The following ANKRD13C variants were observed in gnomAD, a reference collection of about 807,000 sequenced individuals.
ANKRD13C encodes ankyrin repeat domain 13C.
In ANKRD13C, 16 loss-of-function variants were observed where a neutral mutation model predicts 65.5. The ratio of observed to expected loss-of-function variants is 0.24; its 90% CI spans 0.17 to 0.37. The LOEUF (loss-of-function observed/expected upper bound fraction) is 0.37, where lower values mean the gene tolerates loss of function less well. ANKRD13C is among the 10% of genes least tolerant of loss of function. The pLI, the probability that ANKRD13C is intolerant of heterozygous loss-of-function variation, is 1.00. For synonymous variants in ANKRD13C, 235 were observed against 238.7 expected (o/e 0.98, Z 0.14); for missense variants, 503 against 655.9 (o/e 0.77, Z 2.55).
At chr1:70,280,042 T>C (rs1315667564) in intron 9 of ANKRD13C, among the ~76,000 whole-genome samples, 1 of 152,166 alleles carries the variant, frequency 6.6e-6, no homozygotes, top group Non-Finnish European at 1.5e-5. Context: ...CCATAAATTT[T>C]GTTGGTTAGA....
intron 8 of ANKRD13C, chr1:70,293,501 T>C: frequency 1.0e-6 from 1 of 964,446 alleles, no homozygotes; most frequent in Non-Finnish European, 1.2e-6. Context: ...ACTCCCTCCT[T>C]ACCTGTCAAA....
intron 1 of ANKRD13C, among the ~76,000 whole-genome samples, chr1:70,346,380 T>A (rs548338976): frequency 1.3e-5 from 2 of 152,312 alleles, no homozygotes; most frequent in African/African-American, 4.8e-5. Context: ...CCCAGTTTGC[T>A]ACTTTGACTT....
At chr1:70,272,805 A>ATC in intron 11 of ANKRD13C, among the ~76,000 whole-genome samples, 1 of 151,876 alleles carries the variant, frequency 6.6e-6, no homozygotes, top group South Asian at 2.1e-4. Context: ...CCTGGCCAAC[A>ATC]TGGTGAACCC....
At chr1:70,331,531 A>T (rs773494564) in intron 2 of ANKRD13C, among the ~76,000 whole-genome samples, 2 of 152,116 alleles carry the variant, frequency 1.3e-5, no homozygotes, top group Non-Finnish European at 2.9e-5. Flanking sequence ...GAACAATGAC[A>T]TAATATAAAA....
intron 1 of ANKRD13C, among the ~76,000 whole-genome samples, chr1:70,346,022 G>A (rs1311419278): frequency 6.6e-6 from 1 of 151,542 alleles, no homozygotes; most frequent in African/African-American, 2.4e-5. Context: ...AATAGAGACA[G>A]GGTCTCACTA....
intron 2 of ANKRD13C, among the ~76,000 whole-genome samples, chr1:70,333,324 G>GAA (rs144392073): frequency 2.0e-5 from 3 of 147,198 alleles, no homozygotes; most frequent in East Asian, 2.0e-4. Flanking sequence ...AATGTTCTTT[G>GAA]AAAAAAAAAA....
intron 6 of ANKRD13C, among the ~76,000 whole-genome samples, chr1:70,304,783 A>C (rs954223344): frequency 1.3e-5 from 2 of 152,188 alleles, no homozygotes; most frequent in African/African-American, 2.4e-5. Flanking sequence ...CCTATATTAA[A>C]AATGTCTAAA....
chr1:70,278,363 C>A (rs975806462), intron 9 of ANKRD13C, among the ~76,000 whole-genome samples: 8 of 151,672 alleles, frequency 5.3e-5, no homozygotes, highest in African/African-American at 1.9e-4. Flanking sequence ...CGTAGTGGCT[C>A]GCACCTGTAA....
chr1:70,261,601 A>G lies in ANKRD13C; in HGVS notation c.*1116T>C, dbSNP rs999790326. On this transcript the variant is annotated 3_prime_UTR_variant, in exon 13 of 13. Coordinates refer to ENST00000370944, the MANE Select transcript of ANKRD13C (RefSeq NM_030816.5). Reference sequence around the variant, plus strand: ...TATCACTTTGGAGACAATGAAATCAATATTTTCCTGTGATTTAAAAAAAAT... The same window carrying G: ...TATCACTTTGGAGACAATGAAATCAGTATTTTCCTGTGATTTAAAAAAAAT... 3.3e-5 allele frequency: 5 copies of G among 152,490 alleles called. No individual in the cohort carries two copies. Among genetic ancestry groups the G allele is most frequent in the African/African-American group, 4.8e-5 (2 of 41,580 alleles). 9.4% of individuals were successfully genotyped at this position (152,490 alleles called of 1,614,324 possible). A position where few individuals can be genotyped will look rare whatever the true frequency, so the allele number is the denominator to read the frequency against.
chr1:70,351,462 C>A (rs1056505305), intron 1 of ANKRD13C, among the ~76,000 whole-genome samples: 2 of 152,078 alleles, frequency 1.3e-5, no homozygotes, highest in African/African-American at 4.8e-5. Context: ...TGCAACGGTG[C>A]GATCTTGGCT....
At chr1:70,325,824 A>T (rs991859526) in intron 2 of ANKRD13C, among the ~76,000 whole-genome samples, 1 of 152,146 alleles carries the variant, frequency 6.6e-6, no homozygotes, top group Non-Finnish European at 1.5e-5. Flanking sequence ...GGCTGCAGTG[A>T]GCCAAGATTG....
chr1:70,300,787 C>A lies in ANKRD13C; in HGVS notation c.898G>T (p.Val300Phe). The A allele has an allele frequency of 2.5e-6, 4 of 1,610,614 alleles. No homozygotes were observed. The highest frequency in any genetic ancestry group is 3.4e-6 in the Non-Finnish European group (4 of 1,178,824). Residue 300 changes from valine to phenylalanine, a missense_variant, in exon 7 of 13, where the codon GTT becomes TTT. Physicochemically the swap from Val to Phe is conservative, Grantham distance 50. This residue lies in a region of ANKRD13C where 300 missense variants were observed against 478.3 expected (regional missense o/e 0.63). Coordinates refer to ENST00000370944, the MANE Select transcript of ANKRD13C (RefSeq NM_030816.5). Reference protein sequence around the residue: ...SFVVLDNEQKVYQRIHHEESE... With the variant: ...SFVVLDNEQKFYQRIHHEESE... ...ACCTCATGATGTATTCGCTGATAAA[C>A]TTTTTGTTCATTGTCTAATACTACA...
chr1:70,345,918 T>A (rs1192988292), intron 1 of ANKRD13C, among the ~76,000 whole-genome samples: 1 of 152,184 alleles, frequency 6.6e-6, no homozygotes, highest in East Asian at 1.9e-4. Context: ...AAAATGGTGT[T>A]CCATGAAAAA....
rs1016684937 is a variant in ANKRD13C, at chr1:70,274,630, T to C, written c.1394+90A>G. ...CTATTTGCTTTTCATTTCAAAGGTC[T>C]CAAATGCACCACTGGGGTGCAAATA... is the stretch of plus-strand genomic sequence containing the variant. On this transcript the variant is annotated intron_variant, in intron 11 of 12. Transcript: ENST00000370944. 4.0e-5 allele frequency: 38 copies of C among 951,422 alleles called. No homozygotes were observed. The African/African-American group carries it at 5.2e-4, about 13-fold the overall frequency. 58.9% of individuals were successfully genotyped at this position (951,422 alleles called of 1,614,324 possible). A position where few individuals can be genotyped will look rare whatever the true frequency, so the allele number is the denominator to read the frequency against.
chr1:70,354,519 C>T lies in ANKRD13C; in HGVS notation c.-111G>A. On this transcript the variant is annotated 5_prime_UTR_variant, in exon 1 of 13. The change abolishes an upstream ATG in the 5' untranslated region. Transcript: ENST00000370944. Reference sequence around the variant, plus strand: ...CGGTGGCCAAGAGCCTCCAGCGCAGCATGAACTCCCACTGAGCCCCCGAGC... The same window carrying T: ...CGGTGGCCAAGAGCCTCCAGCGCAGTATGAACTCCCACTGAGCCCCCGAGC... 1 of 1,450,864 alleles carries T rather than the reference C, an allele frequency of 6.9e-7. No individual in the cohort carries two copies. Among genetic ancestry groups the T allele is most frequent in the Non-Finnish European group, 9.0e-7 (1 of 1,107,404 alleles). The allele number at this position is 1,450,864 out of a possible 1,614,324, so 89.9% of individuals were successfully genotyped here.
intron 9 of ANKRD13C, among the ~76,000 whole-genome samples, chr1:70,291,403 TA>T (rs747532992): frequency 6.6e-6 from 1 of 152,196 alleles, no homozygotes; most frequent in Non-Finnish European, 1.5e-5. Flanking sequence ...ATTATACAAA[TA>T]AAAAATAAAT....
At chr1:70,329,327 C>T (rs12135182) in intron 2 of ANKRD13C, among the ~76,000 whole-genome samples, 10,753 of 152,104 alleles carry the variant, frequency 0.071, 479 homozygotes, top group South Asian at 0.19. Flanking sequence ...TCGAGACCAG[C>T]CTGGCCAACA....
At chr1:70,349,822 A>C (rs533241252) in intron 1 of ANKRD13C, among the ~76,000 whole-genome samples, 1 of 152,338 alleles carries the variant, frequency 6.6e-6, no homozygotes, top group Middle Eastern at 3.4e-3. Flanking sequence ...TCACTTGAGA[A>C]AAAAACATAA....
intron 1 of ANKRD13C, among the ~76,000 whole-genome samples, chr1:70,348,235 G>A (rs1197441465): frequency 4.6e-5 from 7 of 151,578 alleles, no homozygotes; most frequent in South Asian, 2.1e-4. Context: ...TAAACATACT[G>A]TATGGCCATG....
Sources: gnomAD v4.1 joint callset for allele counts (sites outside exome capture counted in the v4.1 genomes callset) on GRCh38, gnomAD v4.1.1 for gene constraint, gnomAD v4.1.1 regional missense constraint, MANE v1.5 for transcripts, NCBI Gene and HGNC (gene_info 2026-07-23, HGNC 2026-07-21) for gene names.